Variants in CCDC159 observed in about 807,000 individuals in gnomAD.
The protein encoded by CCDC159 is coiled-coil domain containing 159.
In CCDC159, 40 loss-of-function variants were observed where a neutral mutation model predicts 50.9. The ratio of observed to expected loss-of-function variants is 0.79; its 90% CI spans 0.61 to 1.02. CCDC159 has a LOEUF of 1.02. Ranked by LOEUF, CCDC159 falls within the 50% of genes least tolerant of loss-of-function variation. The pLI is 0.00. For synonymous variants in CCDC159, 146 were observed against 138.9 expected (o/e 1.05, Z -0.36); for missense variants, 356 against 371.5 (o/e 0.96, Z 0.34).
At chr19:11,351,214 A>G in intron 5 of CCDC159, 1 of 537,478 alleles carries the variant, frequency 1.9e-6, no homozygotes, top group Non-Finnish European at 3.3e-6. Context: ...AGATGGGCGG[A>G]TCACCTGAGG....
intron 7 of CCDC159, chr19:11,352,342 G>A (rs561459874): frequency 5.6e-5 from 33 of 587,540 alleles, no homozygotes; most frequent in South Asian, 3.4e-4. Flanking sequence ...TTGGCTGGGC[G>A]CGGTGGCTCA....
intron 4 of CCDC159, 95 bp from the exon 5 acceptor site, chr19:11,350,713 G>A (rs1462803891): frequency 3.1e-6 from 4 of 1,273,506 alleles, no homozygotes; most frequent in Non-Finnish European, 3.2e-6. Context: ...GCCAGGGTGA[G>A]GGAAATTGGG....
intron 1 of CCDC159, chr19:11,348,632 C>T (rs1229431474): frequency 4.7e-6 from 2 of 426,308 alleles, no homozygotes; most frequent in African/African-American, 4.1e-5. Context: ...TTGGCTCCTA[C>T]CATAACTGAG....
rs567757924 is a variant in CCDC159, at chr19:11,350,835, G to A, written c.254G>A (p.Gly85Glu). 3.5e-5 allele frequency: 54 copies of A among 1,550,682 alleles called. No individual in the cohort carries two copies. In the African/African-American group the frequency reaches 6.6e-4, roughly 19 times the overall value. ...EEVLSPTGRQ[G>E]EKEEHKWGME... is the part of the protein sequence containing the mutation. Reference sequence around the variant, plus strand: ...GTGCTGAGCCCCACAGGCCGCCAGGGAGAGAAGGAGGAGCACAAGTGGGGC... The same window carrying A: ...GTGCTGAGCCCCACAGGCCGCCAGGAAGAGAAGGAGGAGCACAAGTGGGGC... Residue 85 changes from glycine to glutamate, a missense_variant, in exon 5 of 11, where the codon GGA becomes GAA. By Grantham distance (98) the Gly-to-Glu change is moderately conservative (BLOSUM62 -2). Transcript: ENST00000458408.
intron 5 of CCDC159, 81 bp downstream of exon 5, chr19:11,351,084 G>A (rs1186227933): frequency 7.7e-7 from 1 of 1,303,548 alleles, no homozygotes; most frequent in Non-Finnish European, 1.0e-6. Flanking sequence ...CAGGATGGGG[G>A]AAATGGCAGA....
rs548380904 is a variant in CCDC159 at position 11,349,497 on chromosome 19, T to C, written c.22-157T>C. ...ATATGTAGCCCAAGGGGGAGGTGCA[T>C]GAATATGCCTGGAGTGCAGCTTTGC... On this transcript the variant is annotated intron_variant, in intron 1 of 10. Transcript: ENST00000458408. 54 of 868,440 alleles carry C rather than the reference T, an allele frequency of 6.2e-5. 1 individual carries two copies. In the South Asian group the frequency reaches 8.1e-4, roughly 13 times the overall value. 53.8% of individuals were successfully genotyped at this position (868,440 alleles called of 1,614,324 possible). A position where few individuals can be genotyped will look rare whatever the true frequency, so the allele number is the denominator to read the frequency against.
intron 9 of CCDC159, among the ~76,000 whole-genome samples, chr19:11,354,087 G>A (rs1967742076): frequency 6.6e-6 from 1 of 152,156 alleles, no homozygotes; most frequent in African/African-American, 2.4e-5. Flanking sequence ...TCTTATATGA[G>A]TCCATGGGGA....
chr19:11,346,755 G>A, intron 1 of CCDC159, 128 bp downstream of exon 1: 2 of 1,072,004 alleles, frequency 1.9e-6, no homozygotes, highest in Non-Finnish European at 1.4e-6. Context: ...GCAGCAACCG[G>A]GATGGGACGG....
In CCDC159 at chr19:11,350,869, G is replaced by A; in HGVS notation, c.288G>A (p.Gln96=). The A allele has an allele frequency of 1.3e-6, 2 of 1,551,862 alleles. No individual in the cohort carries two copies. The highest frequency in any genetic ancestry group is 2.4e-5 in the South Asian group (2 of 84,054). Residue 96 remains glutamine, a synonymous_variant, in exon 5 of 11, where the codon CAG becomes CAA. Coordinates refer to ENST00000458408, the MANE Select transcript of CCDC159 (RefSeq NM_001080503.3). ...EKEEHKWGME[Q]GRQELYGALT... is the part of the protein sequence containing the mutation. Reference sequence around the variant, plus strand: ...AGGAGCACAAGTGGGGCATGGAGCAGGGCCGGCAGGAGCTGTATGGGGCCC... The same window carrying A: ...AGGAGCACAAGTGGGGCATGGAGCAAGGCCGGCAGGAGCTGTATGGGGCCC...
Position 11,349,663 on chromosome 19 carries a change from G to T in CCDC159, c.31G>T (p.Glu11Ter). The T allele has an allele frequency of 6.2e-7, 1 of 1,613,132 alleles. No individual in the cohort carries two copies. Among genetic ancestry groups the T allele is most frequent in the Non-Finnish European group, 8.5e-7 (1 of 1,179,438 alleles). The change falls in exon 2 of 11, where the codon GAG becomes TAG. Residue 11 changes from glutamate (E) to a stop codon, truncating the protein, a stop_gained. Transcript: ENST00000458408. LOFTEE classifies it high-confidence loss of function. ...CATCTCTCTTCCTTAGAAGCCCTTG[G>T]AGACCAGCTCTTCCAAAGTCAAAGG... MGEHEQVKPLETSSSKVKAKT... is the reference protein window; with the variant it reads MGEHEQVKPL
In CCDC159 at chr19:11,347,004, G is replaced by A. The variant is rs1466700446; in HGVS notation, c.21+377G>A. 1.3e-5 allele frequency among the ~76,000 whole-genome samples: 2 copies of A among 152,146 alleles called. 1 individual carries two copies. Among genetic ancestry groups the A allele is most frequent in the Non-Finnish European group, 2.9e-5 (2 of 68,032 alleles). ...CGTTTTTATAGTTGGGGACACTGAG[G>A]CATGGAGAGGTTCAGTAACGCGACC... On this transcript the variant is annotated intron_variant, in intron 1 of 10. Coordinates refer to ENST00000458408, the MANE Select transcript of CCDC159 (RefSeq NM_001080503.3).
intron 5 of CCDC159, chr19:11,351,337 T>C (rs142362125): frequency 0.016 from 3,952 of 241,962 alleles, 156 homozygotes; most frequent in African/African-American, 0.085. Context: ...CTAGGGAAGC[T>C]GAAGCAGGAG....
At chr19:11,348,754 C>A (rs747259400) in intron 1 of CCDC159, 7 of 511,686 alleles carry the variant, frequency 1.4e-5, no homozygotes, top group African/African-American at 1.4e-4. Flanking sequence ...TCACAGCGAC[C>A]CTCTTTTGGC....
chr19:11,349,457 A>G, intron 1 of CCDC159, 197 bp from the exon 2 acceptor site: 1 of 645,916 alleles, frequency 1.5e-6, no homozygotes, highest in Non-Finnish European at 2.7e-6. Flanking sequence ...CAGCCACATA[A>G]GTGCACTTCT....
At chr19:11,349,504 G>T (rs964186145) in intron 1 of CCDC159, 150 bp from the exon 2 acceptor site, 20 of 927,318 alleles carry the variant, frequency 2.2e-5, no homozygotes, top group Middle Eastern at 2.2e-4. Flanking sequence ...GCATGAATAT[G>T]CCTGGAGTGC....
At chr19:11,350,052 G>A (rs1967483953) in intron 3 of CCDC159, 26 bp downstream of exon 3, 5 of 1,612,554 alleles carry the variant, frequency 3.1e-6, no homozygotes, top group Non-Finnish European at 4.2e-6. Context: ...CCTGCCCCCA[G>A]CAACCTCTGT....
At chr19:11,353,689 C>T (rs34595793) in intron 8 of CCDC159, 103 bp from the exon 9 acceptor site, 1 of 1,553,606 alleles carries the variant, frequency 6.4e-7, no homozygotes, top group Non-Finnish European at 8.8e-7. Context: ...CCCTCACCCC[C>T]TAGGACTCAC....
chr19:11,350,583 G>A (rs1242698515), intron 4 of CCDC159, among the ~76,000 whole-genome samples: 1 of 152,198 alleles, frequency 6.6e-6, no homozygotes, highest in Non-Finnish European at 1.5e-5. Flanking sequence ...CTGGGAGGCA[G>A]AGGTTGCAGT....
At position 11,350,349 on chromosome 19, in the gene CCDC159, A is replaced by G. The variant is rs1967502272; in HGVS notation, c.226+150A>G. On this transcript the variant is annotated intron_variant, in intron 4 of 10. Transcript: ENST00000458408. The stretch of plus-strand genomic sequence containing the variant: ...GACAACATGGTGAAACCCCATATCT[A>G]CTTAAAAAAAAAAAAAAAAAAAGCC... 6.8e-6 allele frequency: 3 copies of G among 438,124 alleles called. No individual in the cohort carries two copies. In the Admixed American group the frequency reaches 1.2e-4, roughly 17 times the overall value. The allele number at this position is 438,124 out of a possible 1,614,324, so 27.1% of individuals were successfully genotyped here.
Sources: allele counts gnomAD v4.1 joint callset (sites outside exome capture counted in the v4.1 genomes callset), GRCh38; gene constraint gnomAD v4.1.1; transcripts MANE v1.5; gene names NCBI Gene and HGNC (gene_info 2026-07-23, HGNC 2026-07-21).